The following KIF20B variants were observed in gnomAD, a reference collection of about 807,000 sequenced individuals.
The protein encoded by KIF20B is kinesin family member 20B, also known as kinesin-like protein KIF20B.
In KIF20B, 188 loss-of-function variants were observed where a neutral mutation model predicts 232.5. The ratio of observed to expected loss-of-function variants is 0.81; its 90% CI spans 0.72 to 0.91. The LOEUF (loss-of-function observed/expected upper bound fraction) is 0.91. KIF20B is among the 40% of genes least tolerant of loss of function. The pLI, the probability that KIF20B is intolerant of heterozygous loss-of-function variation, is 0.00. For synonymous variants in KIF20B, 712 were observed against 683.0 expected, an observed-to-expected ratio of 1.04 and a Z score of -0.66; for missense variants, 2,154 against 2,055.9, an observed-to-expected ratio of 1.05 and a Z score of -0.92.
In KIF20B at chr10:89,717,015, C is replaced by T. The variant is rs574953158; in HGVS notation, c.1053-409C>T. 1.9e-4 allele frequency among the ~76,000 whole-genome samples: 29 copies of T among 152,174 alleles called. No homozygotes were observed. In the South Asian group the frequency reaches 5.0e-3, roughly 26 times the overall value. ...TTTCTTAGAGAAGGAGCCCTGTTCC[C>T]GTAGTCAGTTGGGCATGGGACAATA... On this transcript the variant is annotated intron_variant, in intron 9 of 32. Transcript: ENST00000371728.
Position 89,719,511 on chromosome 10 carries a change from C to T in KIF20B, c.1527C>T (p.Asn509=). 3.1e-6 allele frequency: 5 copies of T among 1,609,648 alleles called. No individual in the cohort carries two copies. In the South Asian group the frequency reaches 4.4e-5, roughly 14 times the overall value. ...SQDVSLDSNS[N]SKILNVKRAT... ...ATGTATCACTAGACAGTAATTCAAA[C>T]AGTAAAATATTAAATGTAAAAAGAG... Residue 509 remains asparagine, a synonymous_variant, in exon 13 of 33, where the codon AAC becomes AAT. Coordinates refer to ENST00000371728, the MANE Select transcript of KIF20B (RefSeq NM_001284259.2).
At chr10:89,773,569 A>T (rs570282476) in intron 32 of KIF20B, among the ~76,000 whole-genome samples, 1 of 151,954 alleles carries the variant, frequency 6.6e-6, no homozygotes, top group East Asian at 1.9e-4. Context: ...TTAGTACCTG[A>T]TTTCTTCCCT....
rs373848451 is a variant in KIF20B, at chr10:89,714,090, T to G, written c.712+7T>G. 7.0e-7 allele frequency: 1 copy of G among 1,424,348 alleles called. No homozygotes were observed. 88.2% of individuals were successfully genotyped at this position (1,424,348 alleles called of 1,614,324 possible). A position where few individuals can be genotyped will look rare whatever the true frequency, so the allele number is the denominator to read the frequency against. ...AGTGATGATACTCTTTATGGTAAGGTTTCGTTGCTCACTTATCTTTGATGT... is the reference window on the plus strand; with the variant it reads ...AGTGATGATACTCTTTATGGTAAGGGTTCGTTGCTCACTTATCTTTGATGT... On this transcript the variant is annotated splice_region_variant and intron_variant, in intron 7 of 32. Transcript: ENST00000371728.
intron 1 of KIF20B, among the ~76,000 whole-genome samples, chr10:89,702,039 G>C (rs915686342): frequency 6.6e-6 from 1 of 152,188 alleles, no homozygotes; most frequent in South Asian, 2.1e-4. Context: ...AATGTGTAAA[G>C]TTATTAGTGC....
At chr10:89,711,221 T>C (rs1188957842) in intron 6 of KIF20B, 76 bp downstream of exon 6, 2 of 897,220 alleles carry the variant, frequency 2.2e-6, no homozygotes, top group Non-Finnish European at 3.2e-6. Flanking sequence ...TTTCACCATA[T>C]ATTGGAATCT....
At chr10:89,745,120 A>T (rs932745367) in intron 22 of KIF20B, among the ~76,000 whole-genome samples, 1 of 152,100 alleles carries the variant, frequency 6.6e-6, no homozygotes, top group African/African-American at 2.4e-5. Context: ...TGTTCCTTCT[A>T]TGTTAAATAC....
intron 10 of KIF20B, 26 bp from the exon 11 acceptor site, chr10:89,717,550 A>G (rs751756468): frequency 1.0e-5 from 16 of 1,596,074 alleles, no homozygotes; most frequent in African/African-American, 1.4e-5. Flanking sequence ...AAGAACTTTT[A>G]AAGTACTTTT....
intron 26 of KIF20B, among the ~76,000 whole-genome samples, chr10:89,758,420 A>G (rs1842175997): frequency 6.6e-6 from 1 of 152,090 alleles, no homozygotes; most frequent in Admixed American, 6.6e-5. Flanking sequence ...GTTGGCAGAA[A>G]TGTTGATACT....
chr10:89,721,691 A>G (rs34591435), intron 13 of KIF20B, among the ~76,000 whole-genome samples: 27,991 of 151,012 alleles, frequency 0.19, 3,119 homozygotes, highest in East Asian at 0.35. Flanking sequence ...AACAAACCAA[A>G]AAACCCAGTT....
intron 19 of KIF20B, among the ~76,000 whole-genome samples, chr10:89,736,965 T>C (rs1199238163): frequency 6.6e-6 from 1 of 152,090 alleles, no homozygotes; most frequent in African/African-American, 2.4e-5. Flanking sequence ...AAAGCCACAA[T>C]ATAATTGTAG....
chr10:89,740,030 T>C (rs896446604), intron 21 of KIF20B, among the ~76,000 whole-genome samples: 10 of 152,126 alleles, frequency 6.6e-5, no homozygotes, highest in Admixed American at 5.9e-4. Context: ...ATCTTCTATA[T>C]GCTCTTGGTA....
At chr10:89,715,325 G>A in intron 8 of KIF20B, 143 bp downstream of exon 8, 1 of 631,842 alleles carries the variant, frequency 1.6e-6, no homozygotes, top group South Asian at 1.9e-5. Flanking sequence ...TTTGTGCTTT[G>A]GAAGTATGTT....
chr10:89,738,001 C>G lies in KIF20B; in HGVS notation c.3160C>G (p.His1054Asp). 1 of 1,613,050 alleles carries G rather than the reference C, an allele frequency of 6.2e-7. No individual in the cohort carries two copies. Among genetic ancestry groups the G allele is most frequent in the Middle Eastern group, 1.7e-4 (1 of 6,048 alleles). Residue 1054 changes from histidine (H) to aspartate (D), a missense_variant, in exon 20 of 33, where the codon CAC becomes GAC. His to Asp is a moderately conservative substitution (Grantham distance 81). Coordinates refer to ENST00000371728, the MANE Select transcript of KIF20B (RefSeq NM_001284259.2). ...IQEPNRENSF[H>D]SSIEAIWEEC... The stretch of plus-strand genomic sequence containing the variant: ...AGAACCCAATAGGGAAAATTCTTTC[C>G]ACTCTAGTATTGAAGCTATTTGGGA...
chr10:89,733,363 C>CGGAA (rs1843371638), intron 19 of KIF20B, among the ~76,000 whole-genome samples: 1 of 151,968 alleles, frequency 6.6e-6, no homozygotes, highest in Admixed American at 6.5e-5. Context: ...TATTTTCTGC[C>CGGAA]TAAATCCCAG....
chr10:89,730,440 A>G (rs909461272), intron 18 of KIF20B, among the ~76,000 whole-genome samples: 58 of 152,184 alleles, frequency 3.8e-4, no homozygotes, highest in African/African-American at 1.3e-3. Context: ...TTATAATACA[A>G]TGTGCAGTCG....
chr10:89,731,309 A>G (rs1843313091), intron 18 of KIF20B, among the ~76,000 whole-genome samples: 1 of 152,180 alleles, frequency 6.6e-6, no homozygotes, highest in South Asian at 2.1e-4. Flanking sequence ...AGGAAGTGAT[A>G]GTAAAAAAAT....
intron 15 of KIF20B, among the ~76,000 whole-genome samples, chr10:89,725,371 A>G (rs1245751616): frequency 6.6e-6 from 1 of 151,966 alleles, no homozygotes; most frequent in Non-Finnish European, 1.5e-5. Flanking sequence ...CCTCTGTTAT[A>G]TATATATATA....
Position 89,760,579 on chromosome 10 carries a change from C to T in KIF20B, c.4734C>T (p.Asp1578=). The change falls in exon 28 of 33, where the codon GAC becomes GAT. Residue 1578 remains aspartate, a synonymous_variant. Coordinates refer to ENST00000371728, the MANE Select transcript of KIF20B (RefSeq NM_001284259.2). Reference sequence around the variant, plus strand: ...AACGTATTAGTTCAGCAGATCCTGACAAACTTCAAACTGAACCTCTATCGA... The same window carrying T: ...AACGTATTAGTTCAGCAGATCCTGATAAACTTCAAACTGAACCTCTATCGA... The part of the protein sequence containing the change: ...KPKRISSADP[D]KLQTEPLSTS... 3 of 1,613,116 alleles carry T rather than the reference C, an allele frequency of 1.9e-6. No individual in the cohort carries two copies. The highest frequency in any genetic ancestry group is 2.5e-6 in the Non-Finnish European group (3 of 1,179,306).
chr10:89,758,766 C>T lies in KIF20B; in HGVS notation c.4564C>T (p.Arg1522Ter). The change falls in exon 27 of 33, where the codon CGA (arginine) becomes TGA (stop). Residue 1522 changes from arginine to a stop codon, truncating the protein, a stop_gained. Transcript: ENST00000371728. LOFTEE classifies it high-confidence loss of function. The stretch of plus-strand genomic sequence containing the variant: ...TGACCTTCAAAAGTGGCGAGAAGAA[C>T]GAGATCAACTGGTTGCAGCTTTAGA... The part of the protein sequence containing the change: ...DSDLQKWREE[R>*]DQLVAALEIQ... 3.1e-6 allele frequency: 5 copies of T among 1,607,180 alleles called. No homozygotes were observed. The highest frequency in any genetic ancestry group is 4.2e-6 in the Non-Finnish European group (5 of 1,176,756).
Sources: allele counts gnomAD v4.1 joint callset (sites outside exome capture counted in the v4.1 genomes callset), GRCh38; gene constraint gnomAD v4.1.1; transcripts MANE v1.5; gene names NCBI Gene and HGNC (gene_info 2026-07-23, HGNC 2026-07-21).